The following TTC28 variants were observed in gnomAD, a reference collection of about 807,000 sequenced individuals.
TTC28 encodes the protein tetratricopeptide repeat domain 28, also known as tetratricopeptide repeat protein 28.
In TTC28, 61 loss-of-function variants were observed where a neutral mutation model predicts 198.0. That is an observed-to-expected ratio of 0.31 (90% CI 0.25 to 0.38). The LOEUF (loss-of-function observed/expected upper bound fraction) is 0.38, where lower values mean the gene tolerates loss of function less well. Ranked by LOEUF, TTC28 falls within the 10% of genes least tolerant of loss-of-function variation. The pLI, the probability that TTC28 is intolerant of heterozygous loss-of-function variation, is 1.00. For synonymous variants in TTC28, 1,171 were observed against 1,297.8 expected (o/e 0.90, Z 2.10); for missense variants, 2,678 against 3,164.0 (o/e 0.85, Z 3.69).
At chr22:28,652,086 C>A (rs5752766) in intron 1 of TTC28, among the ~76,000 whole-genome samples, 1 of 152,032 alleles carries the variant, frequency 6.6e-6, no homozygotes, top group South Asian at 2.1e-4. Flanking sequence ...GTGATCCGCC[C>A]ACATTGGCCT....
intron 10 of TTC28, among the ~76,000 whole-genome samples, 182 bp downstream of exon 10, chr22:28,098,733 T>A (rs1014584445): frequency 6.6e-6 from 1 of 152,202 alleles, no homozygotes; most frequent in Non-Finnish European, 1.5e-5. Context: ...GTAGGAGCTC[T>A]ACTAATCTTT....
intron 12 of TTC28, 118 bp downstream of exon 12, chr22:28,093,962 C>A: frequency 9.2e-7 from 1 of 1,081,834 alleles, no homozygotes; most frequent in East Asian, 2.6e-5. Flanking sequence ...TGTGAACAGA[C>A]TGAGCGCAAC....
chr22:28,093,005 C>T (rs1941859004), intron 12 of TTC28, among the ~76,000 whole-genome samples: 1 of 152,188 alleles, frequency 6.6e-6, no homozygotes, highest in African/African-American at 2.4e-5. Context: ...GCCTGGAAGT[C>T]TGGGTGAGAT....
chr22:28,149,503 G>T (rs543593511), intron 6 of TTC28, among the ~76,000 whole-genome samples: 1 of 152,318 alleles, frequency 6.6e-6, no homozygotes. Flanking sequence ...GCCGGGCACA[G>T]AAAGACAAAT....
intron 13 of TTC28, among the ~76,000 whole-genome samples, chr22:28,026,314 T>A (rs1938833052): frequency 6.6e-6 from 1 of 152,000 alleles, no homozygotes; most frequent in Non-Finnish European, 1.5e-5. Flanking sequence ...GCGGTTGAGG[T>A]CCCTGCCCAG....
At chr22:28,071,491 C>T (rs1940965156) in intron 12 of TTC28, among the ~76,000 whole-genome samples, 1 of 146,866 alleles carries the variant, frequency 6.8e-6, no homozygotes, top group African/African-American at 2.5e-5. Context: ...AACAAAAAAC[C>T]AAACACCGCA....
chr22:28,517,027 A>G (rs1221994860), intron 2 of TTC28, among the ~76,000 whole-genome samples: 1 of 152,204 alleles, frequency 6.6e-6, no homozygotes, highest in Admixed American at 6.5e-5. Context: ...AGACTCAGAG[A>G]CAATACTCTC....
At chr22:28,335,773 G>A (rs992178693) in intron 2 of TTC28, among the ~76,000 whole-genome samples, 7 of 152,160 alleles carry the variant, frequency 4.6e-5, no homozygotes, top group African/African-American at 1.7e-4. Flanking sequence ...ATACAATCAT[G>A]TCATCTGCAA....
chr22:28,096,878 C>A (rs1243316565), intron 10 of TTC28, among the ~76,000 whole-genome samples: 1 of 151,604 alleles, frequency 6.6e-6, no homozygotes, highest in Non-Finnish European at 1.5e-5. Context: ...GATCTCAGTT[C>A]ACTGCAATCT....
intron 1 of TTC28, among the ~76,000 whole-genome samples, chr22:28,642,775 GT>G (rs1247195911): frequency 3.3e-5 from 5 of 152,190 alleles, no homozygotes; most frequent in Non-Finnish European, 5.9e-5. Context: ...GGCCCAGTGT[GT>G]TTAGATCTGC....
At chr22:28,483,872 G>C (rs1182094504) in intron 2 of TTC28, among the ~76,000 whole-genome samples, 1 of 152,188 alleles carries the variant, frequency 6.6e-6, no homozygotes, top group Non-Finnish European at 1.5e-5. Context: ...CCTTGGGCAA[G>C]TCAGTTACTT....
At chr22:28,559,027 C>A (rs1468410796) in intron 2 of TTC28, among the ~76,000 whole-genome samples, 2 of 151,310 alleles carry the variant, frequency 1.3e-5, no homozygotes, top group Non-Finnish European at 2.9e-5. Context: ...AAAAGCAAGA[C>A]TCCATCTCAA....
At chr22:28,369,170 C>A (rs2145983885) in intron 2 of TTC28, among the ~76,000 whole-genome samples, 1 of 152,246 alleles carries the variant, frequency 6.6e-6, no homozygotes. Flanking sequence ...AATCACATAC[C>A]AGACTTCAAA....
intron 2 of TTC28, among the ~76,000 whole-genome samples, chr22:28,541,684 T>A (rs2049413800): frequency 6.6e-6 from 1 of 151,872 alleles, no homozygotes; most frequent in East Asian, 1.9e-4. Flanking sequence ...TAAAAGTTAT[T>A]GTAACTATGT....
chr22:28,398,829 A>T (rs1037642536), intron 2 of TTC28, among the ~76,000 whole-genome samples: 1 of 152,196 alleles, frequency 6.6e-6, no homozygotes, highest in Non-Finnish European at 1.5e-5. Context: ...AACATGACCT[A>T]TCAAGTGAGT....
intron 5 of TTC28, among the ~76,000 whole-genome samples, chr22:28,208,710 A>AT (rs1181976477): frequency 1.3e-5 from 2 of 152,148 alleles, no homozygotes; most frequent in Non-Finnish European, 2.9e-5. Context: ...AAAATATAGT[A>AT]TTTTAACTAT....
At chr22:28,490,061 G>T (rs977237590) in intron 2 of TTC28, among the ~76,000 whole-genome samples, 1 of 152,092 alleles carries the variant, frequency 6.6e-6, no homozygotes, top group Non-Finnish European at 1.5e-5. Context: ...GTCTTTTCAC[G>T]TTTTTCTGCC....
chr22:28,599,713 C>A (rs552499733), intron 2 of TTC28, among the ~76,000 whole-genome samples: 2 of 152,094 alleles, frequency 1.3e-5, no homozygotes, highest in Non-Finnish European at 2.9e-5. Flanking sequence ...TAGAAGAAGG[C>A]TCTAGATTGA....
chr22:28,442,688 T>A (rs945096795), intron 2 of TTC28, among the ~76,000 whole-genome samples: 4 of 152,198 alleles, frequency 2.6e-5, no homozygotes, highest in African/African-American at 9.7e-5. Flanking sequence ...AAGGAAAAAC[T>A]TAAAGGGCAG....
Sources: allele counts gnomAD v4.1 joint callset (sites outside exome capture counted in the v4.1 genomes callset), GRCh38; gene constraint gnomAD v4.1.1; transcripts MANE v1.5; gene names NCBI Gene and HGNC (gene_info 2026-07-23, HGNC 2026-07-21).